Variants in LRP1 observed in about 807,000 individuals in gnomAD.
LRP1 encodes the protein prolow-density lipoprotein receptor-related protein 1.
LRP1 carries 51 observed loss-of-function variants against 541.5 expected under a neutral mutation model. That is an observed-to-expected ratio of 0.09 (90% CI 0.08 to 0.12). LRP1 has a LOEUF of 0.12. Among genes scored for constraint, LRP1 ranks in the 10% least tolerant of loss-of-function variants. The probability of loss-of-function intolerance (pLI) is 1.00; values close to 1 mark genes in which losing one functional copy is unlikely to be tolerated. For synonymous variants in LRP1, 2,219 were observed against 2,470.8 expected, an observed-to-expected ratio of 0.90 and a Z score of 3.02; for missense variants, 3,878 against 6,376.2, an observed-to-expected ratio of 0.61 and a Z score of 13.34.
chr12:57,139,448 C>T (rs1231108927), intron 2 of LRP1, among the ~76,000 whole-genome samples: 4 of 152,128 alleles, frequency 2.6e-5, no homozygotes, highest in African/African-American at 7.2e-5. Flanking sequence ...AGTATATCTA[C>T]GGCATGGTGC....
rs545389702 is a variant in LRP1, at chr12:57,203,263, C to G, written c.10794C>G (p.His3598Gln). 1.2e-6 allele frequency: 2 copies of G among 1,610,090 alleles called. No individual in the cohort carries two copies. The highest frequency in any genetic ancestry group is 1.3e-5 in the African/African-American group (1 of 75,004). Residue 3598 changes from histidine to glutamine, a missense_variant, in exon 69 of 89, where the codon CAC (histidine) becomes CAG (glutamine). This residue lies in a region of LRP1 where 278 missense variants were observed against 536.3 expected (regional missense o/e 0.52). Coordinates refer to ENST00000243077, the MANE Select transcript of LRP1 (RefSeq NM_002332.3). The stretch of plus-strand genomic sequence containing the variant: ...GGCGCTGGAAATGCGATGGAGACCA[C>G]GACTGCGCGGACGGCTCGGACGAGG... ...IAGRWKCDGD[H>Q]DCADGSDEKD... is the part of the protein sequence containing the mutation.
chr12:57,178,709 G>C lies in LRP1; in HGVS notation c.4606+106G>C. The C allele has an allele frequency of 6.4e-7, 1 of 1,556,602 alleles. No homozygotes were observed. The highest frequency in any genetic ancestry group is 8.7e-7 in the Non-Finnish European group (1 of 1,146,554). On this transcript the variant is annotated intron_variant, in intron 27 of 88. Coordinates refer to ENST00000243077, the MANE Select transcript of LRP1 (RefSeq NM_002332.3). The surrounding 1 kb of genome is among the most constrained non-coding windows in gnomAD (Gnocchi z 5.8). Reference sequence around the variant, plus strand: ...GGGCAGTGAGAACAGGAGCAAGTCTGTGCTGGGATGGCAGGGGTAGGCCGG... The same window carrying C: ...GGGCAGTGAGAACAGGAGCAAGTCTCTGCTGGGATGGCAGGGGTAGGCCGG...
intron 33 of LRP1, 54 bp downstream of exon 33, chr12:57,180,861 C>T (rs2036150997): frequency 3.7e-6 from 6 of 1,605,104 alleles, no homozygotes; most frequent in African/African-American, 1.3e-5. Flanking sequence ...GGGGAGCCGT[C>T]CAGAGCTGCA....
At chr12:57,145,599 G>C in intron 6 of LRP1, 109 bp downstream of exon 6, 1 of 1,393,878 alleles carries the variant, frequency 7.2e-7, no homozygotes, top group Non-Finnish European at 9.8e-7. Context: ...TCCTGTCTGG[G>C]GCAGGAGAAG....
At chr12:57,188,863 T>C (rs558044410) in intron 42 of LRP1, among the ~76,000 whole-genome samples, 8 of 152,256 alleles carry the variant, frequency 5.3e-5, no homozygotes, top group African/African-American at 1.9e-4. Context: ...CGTCTGAGGA[T>C]GGCAGGAGTG....
chr12:57,155,900 G>A (rs527865583), intron 8 of LRP1, among the ~76,000 whole-genome samples, 194 bp from the exon 9 acceptor site: 3 of 152,282 alleles, frequency 2.0e-5, no homozygotes, highest in Non-Finnish European at 2.9e-5. Context: ...GCAGTGAGCC[G>A]TGATCGTGCC....
At chr12:57,149,542 T>G in intron 6 of LRP1, 1 of 654,062 alleles carries the variant, frequency 1.5e-6, no homozygotes. Flanking sequence ...CGGCAAGGAT[T>G]TCTCAATAGA....
intron 22 of LRP1, 121 bp downstream of exon 22, chr12:57,174,101 G>A (rs2035998167): frequency 2.0e-6 from 2 of 1,021,486 alleles, no homozygotes; most frequent in South Asian, 1.5e-5. Flanking sequence ...CAGGCGAGCA[G>A]CACCCAGAGT....
At chr12:57,172,814 C>T (rs1287668127) in intron 20 of LRP1, among the ~76,000 whole-genome samples, 3 of 152,292 alleles carry the variant, frequency 2.0e-5, no homozygotes, top group Non-Finnish European at 2.9e-5. Context: ...CCCAGGACAG[C>T]GCCTGGCACA....
In LRP1 at chr12:57,158,180, T is replaced by C. The variant is rs992332521; in HGVS notation, c.1562-222T>C. ...AACCTGCTATTCTTCCCTCATTTCC[T>C]ACCCTTGGAGTGCAGAGGTCAGACC... On this transcript the variant is annotated intron_variant, in intron 10 of 88. Coordinates refer to ENST00000243077, the MANE Select transcript of LRP1 (RefSeq NM_002332.3). This position sits in a 1 kb window ranked among gnomAD's most constrained non-coding sequence, Gnocchi z 5.3. 2.0e-5 allele frequency among the ~76,000 whole-genome samples: 3 copies of C among 152,202 alleles called. No individual in the cohort carries two copies. The highest frequency in any genetic ancestry group is 4.4e-5 in the Non-Finnish European group (3 of 68,024).
chr12:57,139,281 T>C (rs1430119013), intron 2 of LRP1, among the ~76,000 whole-genome samples: 1 of 152,022 alleles, frequency 6.6e-6, no homozygotes, highest in Non-Finnish European at 1.5e-5. Context: ...TTCTCTCTCT[T>C]GGGCTTTATC....
Position 57,204,996 on chromosome 12 carries a change from C to G in LRP1, c.11195-113C>G, listed in dbSNP as rs1443175080. The G allele has an allele frequency of 6.8e-7, 1 of 1,472,174 alleles. No homozygotes were observed. Among genetic ancestry groups the G allele is most frequent in the African/African-American group, 1.4e-5 (1 of 70,980 alleles). 91.2% of individuals were successfully genotyped at this position (1,472,174 alleles called of 1,614,324 possible). On this transcript the variant is annotated intron_variant, in intron 72 of 88. Transcript: ENST00000243077. This position sits in a 1 kb window ranked among gnomAD's most constrained non-coding sequence, Gnocchi z 5.3. ...TGGGAACCCAAATGTTTGACCTGCT[C>G]CCCCTGCAAGCCTTGTCACTTAGGA... is the stretch of plus-strand genomic sequence containing the variant.
intron 41 of LRP1, 147 bp from the exon 42 acceptor site, chr12:57,187,120 G>T: frequency 1.4e-6 from 1 of 727,986 alleles, no homozygotes; most frequent in Non-Finnish European, 2.2e-6. Flanking sequence ...GTGCCCCCGA[G>T]CCCTCTCTGC....
At position 57,209,176 on chromosome 12, in the gene LRP1, T is replaced by A. The variant is rs1424674992; in HGVS notation, c.12239T>A (p.Ile4080Asn). The A allele has an allele frequency of 6.2e-7, 1 of 1,613,926 alleles. No homozygotes were observed. The highest frequency in any genetic ancestry group is 8.5e-7 in the Non-Finnish European group (1 of 1,179,920). The change falls in exon 79 of 89, where the codon ATT (isoleucine) becomes AAT (asparagine). Residue 4080 changes from isoleucine (I) to asparagine (N), a missense_variant. By Grantham distance (149) the Ile-to-Asn change is moderately radical. Transcript: ENST00000243077. ...GSIRLNGTDP[I>N]VAADSKRGLS... ...ATCCGGCTCAATGGCACGGACCCCA[T>A]TGTGGCTGCTGACAGCAAACGAGGT...
chr12:57,196,036 TC>T, intron 54 of LRP1, 33 bp downstream of exon 54: 1 of 1,611,206 alleles, frequency 6.2e-7, no homozygotes. Context: ...CTCTGCCCCC[TC>T]CCCAGACTGC....
intron 6 of LRP1, among the ~76,000 whole-genome samples, chr12:57,151,748 G>A (rs73342540): frequency 0.083 from 12,585 of 152,242 alleles, 1,141 homozygotes; most frequent in African/African-American, 0.21. Context: ...TGGCCTTGGA[G>A]TGGTGGCCAA....
At chr12:57,160,651 G>C (rs2035711451) in intron 12 of LRP1, among the ~76,000 whole-genome samples, 1 of 152,188 alleles carries the variant, frequency 6.6e-6, no homozygotes, top group African/African-American at 2.4e-5. Flanking sequence ...AGCTCCGTGG[G>C]AGCAGGGACC....
chr12:57,206,889 C>G lies in LRP1; in HGVS notation c.11859+148C>G. On this transcript the variant is annotated intron_variant, in intron 76 of 88. Transcript: ENST00000243077. The surrounding 1 kb of genome is among the most constrained non-coding windows in gnomAD (Gnocchi z 4.7). ...TGGGAGGCCAAGGCGGGCAGATCAC[C>G]TGAGATCAGGAGTTTGAGACCAGCG... 1.2e-6 allele frequency: 1 copy of G among 865,204 alleles called. No homozygotes were observed. The highest frequency in any genetic ancestry group is 1.7e-5 in the South Asian group (1 of 58,974). The allele number at this position is 865,204 out of a possible 1,614,324, so 53.6% of individuals were successfully genotyped here.
chr12:57,142,893 T>G (rs1295122975), intron 3 of LRP1, among the ~76,000 whole-genome samples: 1 of 152,116 alleles, frequency 6.6e-6, no homozygotes, highest in Non-Finnish European at 1.5e-5. Flanking sequence ...TCTAAACGTC[T>G]TAGCATCTTG....
Sources: gnomAD v4.1 joint callset for allele counts (sites outside exome capture counted in the v4.1 genomes callset) on GRCh38, gnomAD v4.1.1 for gene constraint, gnomAD v4.1.1 regional missense constraint, Gnocchi (gnomAD v3.1) non-coding constraint, MANE v1.5 for transcripts, NCBI Gene and HGNC (gene_info 2026-07-23, HGNC 2026-07-21) for gene names.